Variants in KPNA6 observed in about 807,000 individuals in gnomAD.
KPNA6 encodes importin subunit alpha-7.
A neutral mutation model predicts 72.0 loss-of-function variants in KPNA6; 9 were observed. The ratio of observed to expected loss-of-function variants is 0.13; its 90% CI spans 0.08 to 0.22. KPNA6 has a LOEUF of 0.22. Ranked by LOEUF, KPNA6 falls within the 10% of genes least tolerant of loss-of-function variation. KPNA6 has a pLI of 1.00. For synonymous variants in KPNA6, 219 were observed against 242.1 expected (o/e 0.90, Z 0.89); for missense variants, 374 against 655.7 (o/e 0.57, Z 4.69).
At chr1:32,131,843 C>G (rs1185339498) in intron 1 of KPNA6, among the ~76,000 whole-genome samples, 1 of 151,898 alleles carries the variant, frequency 6.6e-6, no homozygotes, top group Non-Finnish European at 1.5e-5. Flanking sequence ...AATTTTCTGT[C>G]TCCCTATCAG....
rs55953899 is a variant in KPNA6 at position 32,130,222 on chromosome 1, ATTTTTTT to A, written c.4+22106_4+22112del. On this transcript the variant is annotated intron_variant, in intron 1 of 13. Coordinates refer to ENST00000373625, the MANE Select transcript of KPNA6 (RefSeq NM_012316.5). ...TTTAGTCTGGATTTAGTAGATAAAT[ATTTTTTT>A]TTTTTTTTTTTTTTTTTACCATGGC... Among the ~76,000 whole-genome samples, 19 of 103,108 alleles carry A rather than the reference ATTTTTTT, an allele frequency of 1.8e-4. 1 individual carries two copies. Among genetic ancestry groups the A allele is most frequent in the South Asian group, 6.4e-4 (2 of 3,124 alleles). 67.6% of individuals were successfully genotyped at this position (103,108 alleles called of 152,430 possible). A position where few individuals can be genotyped will look rare whatever the true frequency, so the allele number is the denominator to read the frequency against.
rs189827048 is a variant in KPNA6 at position 32,135,479 on chromosome 1, T to C, written c.5-19109T>C. On this transcript the variant is annotated intron_variant, in intron 1 of 13. Coordinates refer to ENST00000373625, the MANE Select transcript of KPNA6 (RefSeq NM_012316.5). Reference sequence around the variant, plus strand: ...TCCCAAATTGCTAGAATTACAGGCGTGAGCCACCATGCTTGGCCATTTTTT... The same window carrying C: ...TCCCAAATTGCTAGAATTACAGGCGCGAGCCACCATGCTTGGCCATTTTTT... 9.2e-5 allele frequency among the ~76,000 whole-genome samples: 14 copies of C among 151,634 alleles called. No individual in the cohort carries two copies. In the East Asian group the frequency reaches 2.5e-3, roughly 27 times the overall value.
Position 32,159,393 on chromosome 1 carries a change from C to T in KPNA6, c.427-7C>T. 4 of 1,613,724 alleles carry T rather than the reference C, an allele frequency of 2.5e-6. No homozygotes were observed. Among genetic ancestry groups the T allele is most frequent in the East Asian group, 2.2e-5 (1 of 44,874 alleles). On this transcript the variant is annotated splice_region_variant and splice_polypyrimidine_tract_variant and intron_variant, in intron 5 of 13. Transcript: ENST00000373625. The stretch of plus-strand genomic sequence containing the variant: ...ACCTTTCAATCATTGCTTAATCTCA[C>T]TTTCAGTTTGAAGCTGCCTGGGCTC...
chr1:32,160,588 G>A, intron 6 of KPNA6, 27 bp from the exon 7 acceptor site: 1 of 1,585,000 alleles, frequency 6.3e-7, no homozygotes, highest in Non-Finnish European at 8.7e-7. Flanking sequence ...AGCTTTGTGG[G>A]TGACAGTTTC....
At chr1:32,136,998 A>G (rs1285677643) in intron 1 of KPNA6, among the ~76,000 whole-genome samples, 1 of 152,222 alleles carries the variant, frequency 6.6e-6, no homozygotes, top group Non-Finnish European at 1.5e-5. Flanking sequence ...AAAACAATTA[A>G]AAAAGAATTA....
intron 12 of KPNA6, among the ~76,000 whole-genome samples, chr1:32,167,973 C>T (rs1244387501): frequency 1.3e-5 from 2 of 152,028 alleles, no homozygotes; most frequent in African/African-American, 2.4e-5. Flanking sequence ...CAAGACTAGC[C>T]TGGGCAACAT....
chr1:32,157,595 T>G (rs1023591604), intron 4 of KPNA6, 150 bp downstream of exon 4: 17 of 601,900 alleles, frequency 2.8e-5, no homozygotes, highest in African/African-American at 2.4e-4. Context: ...CATTGCTACC[T>G]TCACACTGGA....
At chr1:32,123,737 C>CT (rs1207276538) in intron 1 of KPNA6, among the ~76,000 whole-genome samples, 4 of 91,370 alleles carry the variant, frequency 4.4e-5, no homozygotes, top group African/African-American at 1.9e-4. Context: ...GAGACCCTGT[C>CT]TTAAAAAAAA....
rs144915333 is a variant in KPNA6, at chr1:32,118,972, A to ATGTGTG, written c.4+10854_4+10859dup. Among the ~76,000 whole-genome samples the ATGTGTG allele has an allele frequency of 1.2e-3, 145 of 120,940 alleles. 1 individual carries two copies. Among genetic ancestry groups the ATGTGTG allele is most frequent in the African/African-American group, 4.5e-3 (129 of 28,466 alleles). 79.3% of individuals were successfully genotyped at this position (120,940 alleles called of 152,430 possible). A position where few individuals can be genotyped will look rare whatever the true frequency, so the allele number is the denominator to read the frequency against. ...ACTTTCTATGTGTCAAGCCATATAT[A>ATGTGTG]TGTGTGTGTGTGTGTGTGTGTATAC... On this transcript the variant is annotated intron_variant, in intron 1 of 13. Coordinates refer to ENST00000373625, the MANE Select transcript of KPNA6 (RefSeq NM_012316.5).
intron 1 of KPNA6, among the ~76,000 whole-genome samples, chr1:32,114,556 ACG>A (rs1184001200): frequency 6.6e-6 from 1 of 152,036 alleles, no homozygotes; most frequent in Non-Finnish European, 1.5e-5. Context: ...GATTCAGCAT[ACG>A]TTTTAAGCTT....
At chr1:32,108,350 C>T (rs1389563332) in intron 1 of KPNA6, among the ~76,000 whole-genome samples, 1 of 152,238 alleles carries the variant, frequency 6.6e-6, no homozygotes, top group Non-Finnish European at 1.5e-5. Context: ...TCGGGGACAC[C>T]TTGGCACGCC....
chr1:32,117,262 C>T (rs1184234585), intron 1 of KPNA6, among the ~76,000 whole-genome samples: 1 of 151,760 alleles, frequency 6.6e-6, no homozygotes, highest in African/African-American at 2.4e-5. Flanking sequence ...AACCTCCACC[C>T]TCCGGGTTCA....
intron 1 of KPNA6, among the ~76,000 whole-genome samples, chr1:32,124,032 C>CA (rs771086945): frequency 0.03 from 1,195 of 40,232 alleles, 23 homozygotes; most frequent in African/African-American, 0.044. Context: ...GACTCTGTCT[C>CA]AAAAAAAAAA....
At position 32,174,469 on chromosome 1, in the gene KPNA6, G is replaced by A; in HGVS notation, c.*3575G>A. On this transcript the variant is annotated 3_prime_UTR_variant, in exon 14 of 14. Transcript: ENST00000373625. ...TGCCTTCCCCCCACACCCTAAAGTT[G>A]TACTTGTTTCTAGCAAACTAGAAGG... 1 of 152,166 alleles carries A rather than the reference G, an allele frequency of 6.6e-6. No homozygotes were observed. The highest frequency in any genetic ancestry group is 1.9e-4 in the East Asian group (1 of 5,198). The allele number at this position is 152,166 out of a possible 1,614,324, so 9.4% of individuals were successfully genotyped here. A position where few individuals can be genotyped will look rare whatever the true frequency, so the allele number is the denominator to read the frequency against.
chr1:32,161,149 G>GA lies in KPNA6; in HGVS notation c.647+458dup, dbSNP rs112566508. On this transcript the variant is annotated intron_variant, in intron 7 of 13. Coordinates refer to ENST00000373625, the MANE Select transcript of KPNA6 (RefSeq NM_012316.5). Reference sequence around the variant, plus strand: ...TGCACTTCAGCCTGGGCAAAAGAGTGAAAAAAAAAAAAGATTGTGCCACCC... The same window carrying GA: ...TGCACTTCAGCCTGGGCAAAAGAGTGAAAAAAAAAAAAAGATTGTGCCACCC... Among the ~76,000 whole-genome samples the GA allele has an allele frequency of 6.0e-4, 84 of 141,174 alleles. 1 individual carries two copies. The highest frequency in any genetic ancestry group is 4.0e-4 in the East Asian group (2 of 4,978). 92.6% of individuals were successfully genotyped at this position (141,174 alleles called of 152,430 possible).
intron 1 of KPNA6, among the ~76,000 whole-genome samples, chr1:32,122,908 G>C (rs1641459552): frequency 6.8e-6 from 1 of 147,388 alleles, no homozygotes; most frequent in Non-Finnish European, 1.5e-5. Context: ...AGTGAGCCGA[G>C]ATCGTGCCAT....
chr1:32,129,592 G>T (rs1033622349), intron 1 of KPNA6, among the ~76,000 whole-genome samples: 4 of 152,024 alleles, frequency 2.6e-5, no homozygotes, highest in Non-Finnish European at 5.9e-5. Context: ...GTCTCGCTCT[G>T]TCACCCAGGC....
chr1:32,136,193 T>TTTTTTTTTTTTTTTTA, intron 1 of KPNA6, among the ~76,000 whole-genome samples: 2 of 151,704 alleles, frequency 1.3e-5, no homozygotes, highest in East Asian at 1.9e-4. Context: ...TTTTTTTTTT[T>TTTTTTTTTTTTTTTTA]GAGATGGAGT....
intron 2 of KPNA6, 54 bp from the exon 3 acceptor site, chr1:32,156,799 C>T: frequency 7.5e-7 from 1 of 1,334,740 alleles, no homozygotes; most frequent in South Asian, 1.2e-5. Flanking sequence ...TTGGATTGTT[C>T]TTTGTTTTCT....
Sources: allele counts gnomAD v4.1 joint callset (sites outside exome capture counted in the v4.1 genomes callset), GRCh38; gene constraint gnomAD v4.1.1; transcripts MANE v1.5; gene names NCBI Gene and HGNC (gene_info 2026-07-23, HGNC 2026-07-21).